Variants in MALRD1 observed in about 807,000 individuals in gnomAD.
MALRD1 encodes the protein MAM and LDL-receptor class A domain-containing protein 1.
In MALRD1, 247 loss-of-function variants were observed where a neutral mutation model predicts 242.1. That is an observed-to-expected ratio of 1.02 (90% confidence interval 0.92 to 1.13). MALRD1 has a LOEUF of 1.13. Among genes scored for constraint, MALRD1 ranks in the 50% most tolerant of loss-of-function variants. MALRD1 has a pLI of 0.00. For synonymous variants in MALRD1, 995 were observed against 866.6 expected, an observed-to-expected ratio of 1.15 and a Z score of -2.60; for missense variants, 2,989 against 2,533.1, an observed-to-expected ratio of 1.18 and a Z score of -3.86.
chr10:19,490,002 G>C (rs935616626), intron 29 of MALRD1, among the ~76,000 whole-genome samples: 1 of 152,138 alleles, frequency 6.6e-6, no homozygotes, highest in African/African-American at 2.4e-5. Flanking sequence ...GTAGGTAACA[G>C]CTTATCAACA....
intron 5 of MALRD1, among the ~76,000 whole-genome samples, chr10:19,114,837 G>A (rs890627928): frequency 2.0e-5 from 3 of 152,244 alleles, no homozygotes; most frequent in Admixed American, 6.5e-5. Context: ...GATTGATTGA[G>A]TTTTGTGTCC....
chr10:19,635,240 A>C (rs1840075909), intron 36 of MALRD1, among the ~76,000 whole-genome samples: 1 of 152,200 alleles, frequency 6.6e-6, no homozygotes, highest in African/African-American at 2.4e-5. Context: ...ATAAAACTCC[A>C]AGATAGTAAA....
At chr10:19,119,466 G>A (rs1185575129) in intron 5 of MALRD1, among the ~76,000 whole-genome samples, 1 of 152,100 alleles carries the variant, frequency 6.6e-6, no homozygotes, top group Admixed American at 6.5e-5. Flanking sequence ...TGGTGGGTTG[G>A]GGGAAGCCAG....
chr10:19,327,482 A>G, intron 22 of MALRD1, 81 bp from the exon 23 acceptor site: 1 of 1,132,606 alleles, frequency 8.8e-7, no homozygotes, highest in Non-Finnish European at 1.2e-6. Flanking sequence ...AAAAAAAAAA[A>G]AATCACTGGA....
intron 38 of MALRD1, among the ~76,000 whole-genome samples, chr10:19,724,131 A>T (rs1242965493): frequency 6.6e-6 from 1 of 152,222 alleles, no homozygotes; most frequent in Non-Finnish European, 1.5e-5. Flanking sequence ...CTAATTTTAA[A>T]TATGAACTAT....
chr10:19,055,373 C>T (rs1272183770), intron 1 of MALRD1, among the ~76,000 whole-genome samples: 2 of 152,066 alleles, frequency 1.3e-5, no homozygotes, highest in Non-Finnish European at 2.9e-5. Flanking sequence ...TGTTAATTGT[C>T]ATCTTTGCTG....
intron 18 of MALRD1, among the ~76,000 whole-genome samples, chr10:19,248,587 A>G (rs1839166101): frequency 6.6e-6 from 1 of 151,912 alleles, no homozygotes. Flanking sequence ...GTGATCAGTC[A>G]AAAAAAGCAA....
At chr10:19,667,806 C>G (rs1841741192) in intron 36 of MALRD1, among the ~76,000 whole-genome samples, 1 of 152,090 alleles carries the variant, frequency 6.6e-6, no homozygotes, top group Non-Finnish European at 1.5e-5. Context: ...CAGGGTATTT[C>G]TTTATGGTAA....
intron 36 of MALRD1, among the ~76,000 whole-genome samples, chr10:19,651,723 C>T (rs370702642): frequency 6.6e-6 from 1 of 152,150 alleles, no homozygotes; most frequent in African/African-American, 2.4e-5. Context: ...TGCACAACAT[C>T]TCACTGTAAA....
At chr10:19,219,880 A>G (rs1016528560) in intron 18 of MALRD1, among the ~76,000 whole-genome samples, 2 of 152,144 alleles carry the variant, frequency 1.3e-5, no homozygotes, top group Non-Finnish European at 2.9e-5. Context: ...CAGATATTCC[A>G]TTTATTCTAG....
chr10:19,539,897 T>TGTGTGTGCGC (rs1365113182), intron 32 of MALRD1, among the ~76,000 whole-genome samples: 10 of 44,434 alleles, frequency 2.3e-4, no homozygotes, highest in East Asian at 1.6e-3. Context: ...TGTGTGTGTG[T>TGTGTGTGCGC]GCGCGCGCGC....
intron 9 of MALRD1, among the ~76,000 whole-genome samples, chr10:19,135,456 T>A (rs1564414814): frequency 6.6e-6 from 1 of 152,108 alleles, no homozygotes; most frequent in Admixed American, 6.6e-5. Context: ...ACCTGACCTA[T>A]CCCTCATGTT....
intron 26 of MALRD1, among the ~76,000 whole-genome samples, chr10:19,356,083 T>A (rs751332628): frequency 1.3e-5 from 2 of 151,490 alleles, no homozygotes; most frequent in Non-Finnish European, 2.9e-5. Flanking sequence ...CTTCTAGAAA[T>A]GGCTCCCAGA....
At chr10:19,201,094 G>A (rs1403253972) in intron 14 of MALRD1, among the ~76,000 whole-genome samples, 1 of 151,974 alleles carries the variant, frequency 6.6e-6, no homozygotes, top group Non-Finnish European at 1.5e-5. Context: ...AAAATCCTAG[G>A]ATCTCAATTT....
intron 38 of MALRD1, chr10:19,722,587 C>T (rs60553654): frequency 2.2e-3 from 25 of 11,466 alleles, no homozygotes; most frequent in African/African-American, 7.1e-3. Flanking sequence ...AAGACCATGT[C>T]TCTAAAAAAA....
intron 36 of MALRD1, among the ~76,000 whole-genome samples, chr10:19,674,673 T>G (rs930236678): frequency 6.6e-6 from 1 of 152,172 alleles, no homozygotes; most frequent in African/African-American, 2.4e-5. Context: ...GGAAAAATTT[T>G]TCAGACTTCC....
At chr10:19,674,872 A>G (rs1226252204) in intron 36 of MALRD1, among the ~76,000 whole-genome samples, 3 of 149,590 alleles carry the variant, frequency 2.0e-5, no homozygotes, top group Admixed American at 6.6e-5. Context: ...TTTTTTTTCT[A>G]TCCAGCTCCA....
chr10:19,271,348 G>A (rs190810240), intron 19 of MALRD1, among the ~76,000 whole-genome samples: 3 of 152,268 alleles, frequency 2.0e-5, no homozygotes, highest in Non-Finnish European at 2.9e-5. Context: ...ATCTCTAATC[G>A]TTATAATCTC....
intron 35 of MALRD1, among the ~76,000 whole-genome samples, chr10:19,614,562 A>G (rs1377488756): frequency 6.6e-6 from 1 of 152,020 alleles, no homozygotes; most frequent in African/African-American, 2.4e-5. Flanking sequence ...GAATAGGGGA[A>G]TTGACAGGCC....
Sources: allele counts gnomAD v4.1 joint callset (sites outside exome capture counted in the v4.1 genomes callset), GRCh38; gene constraint gnomAD v4.1.1; transcripts MANE v1.5; gene names NCBI Gene and HGNC (gene_info 2026-07-23, HGNC 2026-07-21).